The following RCAN2 variants were observed in gnomAD, a reference collection of about 807,000 sequenced individuals.
RCAN2 encodes the protein regulator of calcineurin 2.
RCAN2 carries 9 observed loss-of-function variants against 23.6 expected under a neutral mutation model. The ratio of observed to expected loss-of-function variants is 0.38; its 90% CI spans 0.23 to 0.67. The LOEUF (loss-of-function observed/expected upper bound fraction) is 0.67, where lower values mean the gene tolerates loss of function less well. Ranked by LOEUF, RCAN2 falls within the 30% of genes least tolerant of loss-of-function variation. The pLI is 0.51. For missense variants in RCAN2, 273 were observed against 302.3 expected (o/e 0.90, Z 0.72); for synonymous variants, 109 against 115.7 (o/e 0.94, Z 0.37).
At chr6:46,283,995 C>T (rs1328214410) in intron 2 of RCAN2, among the ~76,000 whole-genome samples, 1 of 151,982 alleles carries the variant, frequency 6.6e-6, no homozygotes, top group Non-Finnish European at 1.5e-5. Flanking sequence ...TTGCAGGTGC[C>T]AGATGGTTTA....
At chr6:46,399,180 G>A (rs1766175934) in intron 2 of RCAN2, among the ~76,000 whole-genome samples, 1 of 151,896 alleles carries the variant, frequency 6.6e-6, no homozygotes, top group East Asian at 1.9e-4. Context: ...TAATCTCATT[G>A]ATGCAGCTAG....
chr6:46,434,306 T>C (rs988739409), intron 2 of RCAN2, among the ~76,000 whole-genome samples: 1 of 152,174 alleles, frequency 6.6e-6, no homozygotes, highest in African/African-American at 2.4e-5. Context: ...TCCCACAATT[T>C]CTGGTGTCCT....
At chr6:46,392,559 C>T (rs990449482) in intron 2 of RCAN2, among the ~76,000 whole-genome samples, 2 of 152,104 alleles carry the variant, frequency 1.3e-5, no homozygotes, top group South Asian at 2.1e-4. Flanking sequence ...GAAGACCATC[C>T]ATAACAAGGA....
At chr6:46,245,552 T>C (rs1247186787) in intron 4 of RCAN2, among the ~76,000 whole-genome samples, 1 of 152,148 alleles carries the variant, frequency 6.6e-6, no homozygotes, top group Non-Finnish European at 1.5e-5. Flanking sequence ...TCAACAGATG[T>C]GATTATCAAA....
chr6:46,489,968 T>C (rs1769096036), intron 1 of RCAN2, among the ~76,000 whole-genome samples: 1 of 152,240 alleles, frequency 6.6e-6, no homozygotes, highest in African/African-American at 2.4e-5. Context: ...CAGTCAATGC[T>C]GACCTGCCTC....
intron 2 of RCAN2, among the ~76,000 whole-genome samples, chr6:46,352,291 C>G (rs1764677363): frequency 1.3e-5 from 2 of 152,094 alleles, no homozygotes; most frequent in Admixed American, 6.5e-5. Context: ...GCTACAAATT[C>G]ACAGCTAATT....
intron 1 of RCAN2, among the ~76,000 whole-genome samples, chr6:46,467,586 G>A (rs1768423395): frequency 1.3e-5 from 2 of 152,126 alleles, no homozygotes; most frequent in Admixed American, 6.5e-5. Context: ...GGAGTACAGT[G>A]GTTAAGTGTG....
chr6:46,483,092 C>T (rs1244802756), intron 1 of RCAN2, among the ~76,000 whole-genome samples: 1 of 152,196 alleles, frequency 6.6e-6, no homozygotes, highest in Non-Finnish European at 1.5e-5. Flanking sequence ...CACAAGCACA[C>T]TGTGGACTGC....
At chr6:46,470,389 G>A (rs1768525202) in intron 1 of RCAN2, among the ~76,000 whole-genome samples, 3 of 152,158 alleles carry the variant, frequency 2.0e-5, no homozygotes, top group Admixed American at 6.5e-5. Context: ...ACATTGAAGT[G>A]CCTTATTAAG....
intron 3 of RCAN2, among the ~76,000 whole-genome samples, chr6:46,247,242 C>T (rs1766548452): frequency 1.3e-5 from 2 of 152,152 alleles, no homozygotes; most frequent in South Asian, 4.1e-4. Flanking sequence ...GATCCCCAGG[C>T]TATGCTGTTG....
chr6:46,405,100 A>T (rs1326600564), intron 2 of RCAN2, among the ~76,000 whole-genome samples: 1 of 152,130 alleles, frequency 6.6e-6, no homozygotes, highest in African/African-American at 2.4e-5. Flanking sequence ...GAAGCCGCGG[A>T]CCCTCGCGGT....
chr6:46,276,081 C>T (rs1743669127), intron 2 of RCAN2, among the ~76,000 whole-genome samples: 1 of 152,082 alleles, frequency 6.6e-6, no homozygotes, highest in African/African-American at 2.4e-5. Flanking sequence ...TGGTGTGCAC[C>T]TGTAGTGCCA....
At chr6:46,348,941 G>T (rs1764568977) in intron 2 of RCAN2, among the ~76,000 whole-genome samples, 1 of 151,918 alleles carries the variant, frequency 6.6e-6, no homozygotes, top group Non-Finnish European at 1.5e-5. Context: ...TCCCCAAATT[G>T]TCTGCCACCT....
At chr6:46,311,420 G>C (rs1763256117) in intron 2 of RCAN2, among the ~76,000 whole-genome samples, 1 of 152,196 alleles carries the variant, frequency 6.6e-6, no homozygotes, top group African/African-American at 2.4e-5. Flanking sequence ...CTCTGGGTTT[G>C]ATCAGAAATG....
chr6:46,387,086 T>C (rs1473229792), intron 2 of RCAN2, among the ~76,000 whole-genome samples: 3 of 152,168 alleles, frequency 2.0e-5, no homozygotes, highest in Non-Finnish European at 4.4e-5. Flanking sequence ...CCTTACACCT[T>C]ATACAAAAAT....
intron 2 of RCAN2, among the ~76,000 whole-genome samples, chr6:46,281,290 C>T (rs74910799): frequency 0.032 from 4,884 of 152,252 alleles, 274 homozygotes; most frequent in African/African-American, 0.11. Context: ...CCAGCTGTCA[C>T]GAGCAGAATT....
intron 4 of RCAN2, among the ~76,000 whole-genome samples, chr6:46,243,826 AAAAAAAC>A (rs1489221322): frequency 1.4e-4 from 21 of 150,700 alleles, no homozygotes; most frequent in African/African-American, 2.9e-4. Context: ...AAAAAAAAAA[AAAAAAAC>A]CAAGAAATAA....
In RCAN2 at chr6:46,246,789, A is replaced by G. The variant is rs1415541250; in HGVS notation, c.530T>C (p.Leu177Pro). The change falls in exon 4 of 5, where the codon CTC becomes CCC. Residue 177 changes from leucine (L) to proline (P), a missense_variant. By Grantham distance (98) the Leu-to-Pro change is moderately conservative (BLOSUM62 -3). Coordinates refer to ENST00000371374, the MANE Select transcript of RCAN2 (RefSeq NM_001251974.2). ...CACAGCATAGAGGAGGTCATAGTTG[A>G]GGACTGGCGTGGCATCGTTGATGGG... ...WQPINDATPV[L>P]NYDLLYAVAK... 6.2e-7 allele frequency: 1 copy of G among 1,613,650 alleles called. No homozygotes were observed. Among genetic ancestry groups the G allele is most frequent in the African/African-American group, 1.3e-5 (1 of 74,924 alleles).
chr6:46,401,222 G>A (rs940088077), intron 2 of RCAN2, among the ~76,000 whole-genome samples: 1 of 152,142 alleles, frequency 6.6e-6, no homozygotes, highest in Non-Finnish European at 1.5e-5. Flanking sequence ...AACAGGTTTG[G>A]ATCAGAACCT....
Sources: allele counts gnomAD v4.1 joint callset (sites outside exome capture counted in the v4.1 genomes callset), GRCh38; gene constraint gnomAD v4.1.1; transcripts MANE v1.5; gene names NCBI Gene and HGNC (gene_info 2026-07-23, HGNC 2026-07-21).